The following CPEB4 variants were observed in gnomAD, a reference collection of about 807,000 sequenced individuals.
CPEB4 encodes cytoplasmic polyadenylation element binding protein 4.
Under a neutral mutation model 72.5 loss-of-function variants are expected in CPEB4, and 12 were observed. That is an observed-to-expected ratio of 0.17 (90% CI 0.11 to 0.27). The LOEUF (loss-of-function observed/expected upper bound fraction) is 0.27. Among genes scored for constraint, CPEB4 ranks in the 10% least tolerant of loss-of-function variants. The probability of loss-of-function intolerance (pLI) is 1.00; values close to 1 mark genes in which losing one functional copy is unlikely to be tolerated. For synonymous variants in CPEB4, 302 were observed against 326.3 expected (o/e 0.93, Z 0.80); for missense variants, 614 against 908.5 (o/e 0.68, Z 4.17).
In CPEB4 at chr5:173,889,467, C is replaced by T. The variant is rs1009345308; in HGVS notation, c.-267C>T. On this transcript the variant is annotated 5_prime_UTR_variant, in exon 1 of 10. Transcript: ENST00000265085. ...TAACCAAAGACTTGATTTTTACCCTCTTCATTTTTATTCCCTCCTAAAAAT... is the reference window on the plus strand; with the variant it reads ...TAACCAAAGACTTGATTTTTACCCTTTTCATTTTTATTCCCTCCTAAAAAT... 8.9e-6 allele frequency: 3 copies of T among 336,456 alleles called. No individual in the cohort carries two copies. Among genetic ancestry groups the T allele is most frequent in the Non-Finnish European group, 1.6e-5 (3 of 186,470 alleles). 20.8% of individuals were successfully genotyped at this position (336,456 alleles called of 1,614,324 possible).
intron 2 of CPEB4, among the ~76,000 whole-genome samples, chr5:173,913,220 AAG>A (rs1477223943): frequency 6.6e-6 from 1 of 150,412 alleles, no homozygotes; most frequent in African/African-American, 2.4e-5. Context: ...TTTTTGAGAC[AAG>A]AGTCTTGCTC....
intron 2 of CPEB4, among the ~76,000 whole-genome samples, chr5:173,930,403 C>G (rs12523657): frequency 0.14 from 20,709 of 151,818 alleles, 1,856 homozygotes; most frequent in South Asian, 0.31. Context: ...CTCGTAGCAT[C>G]TCAAGTCTAT....
At chr5:173,939,902 G>A (rs995559932) in intron 3 of CPEB4, among the ~76,000 whole-genome samples, 6 of 150,978 alleles carry the variant, frequency 4.0e-5, no homozygotes, top group Admixed American at 3.3e-4. Flanking sequence ...GCCTGAGCTC[G>A]GGGGTTTGAG....
intron 2 of CPEB4, among the ~76,000 whole-genome samples, chr5:173,929,449 G>C (rs962198116): frequency 6.6e-6 from 1 of 152,050 alleles, no homozygotes; most frequent in Non-Finnish European, 1.5e-5. Flanking sequence ...CTGTAAACCC[G>C]GCACTTGAAG....
chr5:173,921,499 A>G (rs1264695300), intron 2 of CPEB4, among the ~76,000 whole-genome samples: 1 of 152,220 alleles, frequency 6.6e-6, no homozygotes, highest in Non-Finnish European at 1.5e-5. Context: ...CTCTCCACCA[A>G]GTAGCATTTT....
intron 1 of CPEB4, among the ~76,000 whole-genome samples, chr5:173,892,198 C>T (rs1755836686): frequency 1.3e-5 from 2 of 150,956 alleles, no homozygotes; most frequent in Non-Finnish European, 2.9e-5. Context: ...AACCCTATGT[C>T]ATTCCTTTCC....
intron 2 of CPEB4, among the ~76,000 whole-genome samples, chr5:173,922,777 A>G: frequency 6.6e-6 from 1 of 152,008 alleles, no homozygotes; most frequent in East Asian, 1.9e-4. Context: ...CCCACCCCCA[A>G]CTTTTGCGCT....
In CPEB4 at chr5:173,888,651, C is replaced by T. The variant is rs1275710970; in HGVS notation, c.-1083C>T. ...GAGAAAGCCGAGGGGGGAGGCCCTT[C>T]TCCTTTAAAATAACTACGGTAGTGG... On this transcript the variant is annotated 5_prime_UTR_variant, in exon 1 of 10. Coordinates refer to ENST00000265085, the MANE Select transcript of CPEB4 (RefSeq NM_030627.4). This position sits in a 1 kb window ranked among gnomAD's most constrained non-coding sequence, Gnocchi z 4.3. 5.0e-6 allele frequency: 2 copies of T among 400,782 alleles called. No individual in the cohort carries two copies. The highest frequency in any genetic ancestry group is 8.8e-6 in the Non-Finnish European group (2 of 227,008). 24.8% of individuals were successfully genotyped at this position (400,782 alleles called of 1,614,324 possible).
rs76997507 is a variant in CPEB4 at position 173,910,621 on chromosome 5, A to C, written c.1207+17A>C. ...CCATTAAAGGTAAGTTTAGAAATATACCCAATTGATTTCAGACAATAGTTT... is the reference window on the plus strand; with the variant it reads ...CCATTAAAGGTAAGTTTAGAAATATCCCCAATTGATTTCAGACAATAGTTT... On this transcript the variant is annotated intron_variant, in intron 2 of 9. Transcript: ENST00000265085. 220 of 1,453,766 alleles carry C rather than the reference A, an allele frequency of 1.5e-4. 1 individual carries two copies. In the East Asian group the frequency reaches 4.2e-3, roughly 27 times the overall value. The allele number at this position is 1,453,766 out of a possible 1,614,324, so 90.1% of individuals were successfully genotyped here.
At chr5:173,929,056 A>G (rs1470176362) in intron 2 of CPEB4, among the ~76,000 whole-genome samples, 1 of 152,230 alleles carries the variant, frequency 6.6e-6, no homozygotes, top group African/African-American at 2.4e-5. Flanking sequence ...GGATCAAAAA[A>G]ATTAAAAACA....
At chr5:173,901,564 A>T (rs902221294) in intron 1 of CPEB4, among the ~76,000 whole-genome samples, 1 of 152,238 alleles carries the variant, frequency 6.6e-6, no homozygotes, top group Non-Finnish European at 1.5e-5. Context: ...ATAATAGAGC[A>T]AAAATTCTAG....
intron 2 of CPEB4, among the ~76,000 whole-genome samples, chr5:173,924,033 A>C (rs911997011): frequency 6.6e-6 from 1 of 152,146 alleles, no homozygotes; most frequent in Admixed American, 6.5e-5. Flanking sequence ...TAGATCTTGC[A>C]GCTTCGCACC....
intron 2 of CPEB4, among the ~76,000 whole-genome samples, chr5:173,928,617 G>A (rs1039965729): frequency 6.6e-6 from 1 of 152,152 alleles, no homozygotes; most frequent in Non-Finnish European, 1.5e-5. Flanking sequence ...CATGGGAGGG[G>A]ATTATCAACT....
At chr5:173,925,262 A>G (rs1252698551) in intron 2 of CPEB4, among the ~76,000 whole-genome samples, 2 of 152,210 alleles carry the variant, frequency 1.3e-5, no homozygotes, top group Non-Finnish European at 2.9e-5. Context: ...CTGAAAGCCA[A>G]ATTTGTAGCA....
intron 2 of CPEB4, among the ~76,000 whole-genome samples, chr5:173,917,895 G>A (rs974360131): frequency 6.6e-6 from 1 of 152,180 alleles, no homozygotes; most frequent in Non-Finnish European, 1.5e-5. Flanking sequence ...AGAGTCGGCC[G>A]GCAGCTGCCT....
chr5:173,935,927 T>A (rs1757605615), intron 3 of CPEB4, among the ~76,000 whole-genome samples: 1 of 152,216 alleles, frequency 6.6e-6, no homozygotes, highest in South Asian at 2.1e-4. Context: ...TACAGTTTCA[T>A]ACAATGACCT....
chr5:173,907,863 C>T (rs924647943), intron 1 of CPEB4, among the ~76,000 whole-genome samples: 1 of 152,216 alleles, frequency 6.6e-6, no homozygotes, highest in Non-Finnish European at 1.5e-5. Context: ...ACATGACTGA[C>T]TTGGCGCACC....
At chr5:173,915,582 C>A (rs1376419732) in intron 2 of CPEB4, among the ~76,000 whole-genome samples, 1 of 152,200 alleles carries the variant, frequency 6.6e-6, no homozygotes, top group Non-Finnish European at 1.5e-5. Context: ...AGCTTAGAGC[C>A]TGAGCTACAG....
chr5:173,917,727 A>C (rs1756923378), intron 2 of CPEB4, among the ~76,000 whole-genome samples: 1 of 152,254 alleles, frequency 6.6e-6, no homozygotes, highest in Non-Finnish European at 1.5e-5. Flanking sequence ...ACTCCATCTC[A>C]AAGAAATAAA....
Sources: gnomAD v4.1 joint callset for allele counts (sites outside exome capture counted in the v4.1 genomes callset) on GRCh38, gnomAD v4.1.1 for gene constraint, Gnocchi (gnomAD v3.1) non-coding constraint, MANE v1.5 for transcripts, NCBI Gene and HGNC (gene_info 2026-07-23, HGNC 2026-07-21) for gene names.